SDK1: variants seen among roughly 807,000 people sequenced by gnomAD.
SDK1 encodes the protein protein sidekick-1.
Under a neutral mutation model 245.5 loss-of-function variants are expected in SDK1, and 157 were observed. That is an observed-to-expected ratio of 0.64 (90% CI 0.56 to 0.73). SDK1 has a LOEUF of 0.73. SDK1 is among the 30% of genes least tolerant of loss of function. The probability of loss-of-function intolerance (pLI) is 0.00; values close to 1 mark genes in which losing one functional copy is unlikely to be tolerated. For synonymous variants in SDK1, 1,647 were observed against 1,278.5 expected (o/e 1.29, Z -6.15); for missense variants, 3,583 against 3,002.3 (o/e 1.19, Z -4.52).
At chr7:3,935,659 A>G (rs1183580043) in intron 5 of SDK1, among the ~76,000 whole-genome samples, 1 of 152,252 alleles carries the variant, frequency 6.6e-6, no homozygotes, top group Admixed American at 6.5e-5. Context: ...GGAAATGCAA[A>G]TTAAAACCAC....
At chr7:4,152,864 G>A (rs930776327) in intron 30 of SDK1, among the ~76,000 whole-genome samples, 5 of 152,200 alleles carry the variant, frequency 3.3e-5, no homozygotes, top group African/African-American at 1.2e-4. Flanking sequence ...GGGAATATGG[G>A]TCGAGACCCC....
At chr7:3,728,592 G>A (rs1161014857) in intron 4 of SDK1, among the ~76,000 whole-genome samples, 3 of 152,210 alleles carry the variant, frequency 2.0e-5, no homozygotes, top group African/African-American at 7.2e-5. Flanking sequence ...GTAGTCATGA[G>A]TTAGCAAATT....
At chr7:3,899,285 T>C (rs940614509) in intron 5 of SDK1, among the ~76,000 whole-genome samples, 6 of 152,210 alleles carry the variant, frequency 3.9e-5, no homozygotes, top group Admixed American at 1.3e-4. Context: ...ACTTTTTCCA[T>C]GACACATCTG....
intron 1 of SDK1, among the ~76,000 whole-genome samples, chr7:3,481,369 G>T (rs962562268): frequency 6.6e-6 from 1 of 152,142 alleles, no homozygotes; most frequent in Admixed American, 6.5e-5. Flanking sequence ...TTCGTTTATT[G>T]AGTGTGATAG....
intron 35 of SDK1, among the ~76,000 whole-genome samples, chr7:4,180,109 C>A (rs554503347): frequency 1.3e-5 from 2 of 152,092 alleles, no homozygotes; most frequent in African/African-American, 4.8e-5. Context: ...TGGGGAGTCG[C>A]GCCAGGGCCA....
intron 9 of SDK1, among the ~76,000 whole-genome samples, chr7:3,963,837 A>G (rs113237373): frequency 0.011 from 1,711 of 150,782 alleles, 35 homozygotes; most frequent in African/African-American, 0.039. Flanking sequence ...ACGGCTACCC[A>G]GATGTATCCA....
At chr7:3,466,293 G>T (rs867170164) in intron 1 of SDK1, among the ~76,000 whole-genome samples, 1 of 151,524 alleles carries the variant, frequency 6.6e-6, no homozygotes, top group African/African-American at 2.4e-5. Flanking sequence ...AAAAGACTTT[G>T]ACCTCACAAG....
intron 19 of SDK1, among the ~76,000 whole-genome samples, chr7:4,054,987 A>G (rs1208757580): frequency 6.6e-6 from 1 of 152,102 alleles, no homozygotes; most frequent in Non-Finnish European, 1.5e-5. Context: ...ATGCTGTTGG[A>G]TTGACTTTGC....
intron 4 of SDK1, among the ~76,000 whole-genome samples, chr7:3,649,751 C>T (rs1358116750): frequency 1.3e-5 from 2 of 152,104 alleles, no homozygotes; most frequent in African/African-American, 2.4e-5. Context: ...GCGTGGGAGC[C>T]ACTTGACTCC....
intron 1 of SDK1, among the ~76,000 whole-genome samples, chr7:3,576,128 C>T (rs796336575): frequency 1.8e-4 from 27 of 152,168 alleles, no homozygotes; most frequent in African/African-American, 6.0e-4. Flanking sequence ...ACATTATTTC[C>T]AGCTGTCATC....
At chr7:3,802,393 G>C (rs1486911565) in intron 4 of SDK1, among the ~76,000 whole-genome samples, 3 of 152,092 alleles carry the variant, frequency 2.0e-5, no homozygotes, top group African/African-American at 7.2e-5. Context: ...AAATTAGCCA[G>C]GCATGGTGGC....
chr7:3,366,050 A>G (rs1781082441), intron 1 of SDK1, among the ~76,000 whole-genome samples: 1 of 151,866 alleles, frequency 6.6e-6, no homozygotes, highest in African/African-American at 2.4e-5. Context: ...AAAAAAAAAA[A>G]AAAGTCTCTT....
intron 5 of SDK1, among the ~76,000 whole-genome samples, chr7:3,921,914 C>T (rs749201023): frequency 2.0e-4 from 31 of 151,812 alleles, no homozygotes; most frequent in Non-Finnish European, 4.3e-4. Flanking sequence ...TGTGGTGAAC[C>T]GAGATCACAC....
chr7:4,033,663 A>G (rs1422114039), intron 17 of SDK1, among the ~76,000 whole-genome samples: 9 of 152,228 alleles, frequency 5.9e-5, no homozygotes, highest in Non-Finnish European at 1.0e-4. Flanking sequence ...CTATGAAACA[A>G]GAGTTCACAG....
rs372299276 is a variant in SDK1 at position 3,773,810 on chromosome 7, A to G, written c.714-47640A>G. ...TCTGAGCCTCTGCCTTTTGCTGGGC[A>G]TGCACAGGCACTTCCTAATTTTCCT... On this transcript the variant is annotated intron_variant, in intron 4 of 44. Coordinates refer to ENST00000404826, the MANE Select transcript of SDK1 (RefSeq NM_152744.4). 7.9e-5 allele frequency among the ~76,000 whole-genome samples: 12 copies of G among 152,348 alleles called. 1 individual carries two copies. The East Asian group carries it at 1.9e-3, about 24-fold the overall frequency.
rs146196103 is a variant in SDK1, at chr7:4,147,726, G to A, written c.4424-1536G>A. Among the ~76,000 whole-genome samples, 382 of 152,266 alleles carry A rather than the reference G, an allele frequency of 2.5e-3. 1 individual carries two copies. The highest frequency in any genetic ancestry group is 8.8e-3 in the African/African-American group (365 of 41,546). On this transcript the variant is annotated intron_variant, in intron 29 of 44. Coordinates refer to ENST00000404826, the MANE Select transcript of SDK1 (RefSeq NM_152744.4). ...GGAAGGGATGCCCTGTGAAAGGAGC[G>A]CCCCTATCCCCCTGCTGCCACCCTG...
At chr7:3,895,492 A>G (rs777301296) in intron 5 of SDK1, among the ~76,000 whole-genome samples, 1 of 152,224 alleles carries the variant, frequency 6.6e-6, no homozygotes, top group Non-Finnish European at 1.5e-5. Flanking sequence ...TTTGACCACT[A>G]TCCCTTCTTC....
intron 21 of SDK1, among the ~76,000 whole-genome samples, chr7:4,077,606 G>T (rs186122309): frequency 6.6e-6 from 1 of 152,208 alleles, no homozygotes; most frequent in Non-Finnish European, 1.5e-5. Context: ...TTACAGTTCC[G>T]TATGGTTGGG....
chr7:3,852,485 C>T (rs1780441952), intron 5 of SDK1, among the ~76,000 whole-genome samples: 2 of 151,642 alleles, frequency 1.3e-5, no homozygotes, highest in Admixed American at 1.3e-4. Context: ...CGGTGGCTCA[C>T]ACCTGTAATC....
Sources: allele counts gnomAD v4.1 joint callset (sites outside exome capture counted in the v4.1 genomes callset), GRCh38; gene constraint gnomAD v4.1.1; transcripts MANE v1.5; gene names NCBI Gene and HGNC (gene_info 2026-07-23, HGNC 2026-07-21).